Variants in BRIP1 observed in about 807,000 individuals in gnomAD.
The protein encoded by BRIP1 is Fanconi anemia group J protein.
BRIP1 carries 88 observed loss-of-function variants against 119.7 expected under a neutral mutation model. The ratio of observed to expected loss-of-function variants is 0.74; its 90% CI spans 0.62 to 0.88. The LOEUF is 0.88. Ranked by LOEUF, BRIP1 falls within the 40% of genes least tolerant of loss-of-function variation. The pLI is 0.00. For synonymous variants in BRIP1, 443 were observed against 496.5 expected (o/e 0.89, Z 1.43); for missense variants, 1,259 against 1,455.4 (o/e 0.87, Z 2.20).
Position 61,863,005 on chromosome 17 carries a change from C to T in BRIP1, c.-31+279G>A, listed in dbSNP as rs564845025. On this transcript the variant is annotated intron_variant, in intron 1 of 19. Transcript: ENST00000259008. ...CCGTCCTGTACCCCGGCTGTGGCAACAATAGTGTCAAAATGGGGTAGCTTC... is the reference window on the plus strand; with the variant it reads ...CCGTCCTGTACCCCGGCTGTGGCAATAATAGTGTCAAAATGGGGTAGCTTC... Among the ~76,000 whole-genome samples the T allele has an allele frequency of 7.2e-5, 11 of 152,200 alleles. No homozygotes were observed. In the South Asian group the frequency reaches 2.1e-3, roughly 29 times the overall value.
intron 17 of BRIP1, among the ~76,000 whole-genome samples, chr17:61,714,584 A>G (rs1318343726): frequency 3.3e-5 from 5 of 152,176 alleles, no homozygotes; most frequent in African/African-American, 4.8e-5. Flanking sequence ...TCCCACAACA[A>G]TACAATTGCC....
At position 61,848,477 on chromosome 17, in the gene BRIP1, G is replaced by T. The variant is rs1333778331; in HGVS notation, c.507+652C>A. 6.6e-6 allele frequency among the ~76,000 whole-genome samples: 1 copy of T among 152,104 alleles called. No individual in the cohort carries two copies. Among genetic ancestry groups the T allele is most frequent in the Non-Finnish European group, 1.5e-5 (1 of 68,018 alleles). On this transcript the variant is annotated intron_variant, in intron 5 of 19. Transcript: ENST00000259008. The surrounding 1 kb of genome is among the most constrained non-coding windows in gnomAD (Gnocchi z 4.3). Reference sequence around the variant, plus strand: ...TCCTCCCACCTCAGCCTCCCAGAGTGCTGGGATTACAGTCGTGAGCCACTG... The same window carrying T: ...TCCTCCCACCTCAGCCTCCCAGAGTTCTGGGATTACAGTCGTGAGCCACTG...
At chr17:61,830,480 A>C (rs1603354291) in intron 6 of BRIP1, among the ~76,000 whole-genome samples, 1 of 152,148 alleles carries the variant, frequency 6.6e-6, no homozygotes, top group Admixed American at 6.5e-5. Context: ...TATGAATATC[A>C]GAAATGAAAG....
Position 61,748,121 on chromosome 17 carries a change from G to A in BRIP1, c.2098-3530C>T, listed in dbSNP as rs1482795813. Among the ~76,000 whole-genome samples the A allele has an allele frequency of 1.3e-5, 2 of 152,186 alleles. No homozygotes were observed. Among genetic ancestry groups the A allele is most frequent in the Non-Finnish European group, 2.9e-5 (2 of 68,024 alleles). ...ATCCAGGCTGCACAGCAGGAGGTGA[G>A]TGGCAGGTGAGTGAGCATTACTGCC... is the stretch of plus-strand genomic sequence containing the variant. On this transcript the variant is annotated intron_variant, in intron 14 of 19. Coordinates refer to ENST00000259008, the MANE Select transcript of BRIP1 (RefSeq NM_032043.3). The surrounding 1 kb of genome is among the most constrained non-coding windows in gnomAD (Gnocchi z 4.7).
chr17:61,785,427 T>C (rs957990480), intron 10 of BRIP1, among the ~76,000 whole-genome samples: 3 of 152,114 alleles, frequency 2.0e-5, no homozygotes, highest in Non-Finnish European at 2.9e-5. Context: ...AAGATATTGG[T>C]GACAACTCTG....
rs909495802 is a variant in BRIP1 at position 61,682,405 on chromosome 17, A to G, written c.*891T>C. The G allele has an allele frequency of 9.7e-6, 2 of 205,512 alleles. No individual in the cohort carries two copies. The highest frequency in any genetic ancestry group is 9.9e-6 in the Non-Finnish European group (1 of 100,580). 12.7% of individuals were successfully genotyped at this position (205,512 alleles called of 1,614,324 possible). ...TGAAGCTAAATAATTAGAATAGAAAATTTGGAATACTTCATTTGGCATTTT... is the reference window on the plus strand; with the variant it reads ...TGAAGCTAAATAATTAGAATAGAAAGTTTGGAATACTTCATTTGGCATTTT... On this transcript the variant is annotated 3_prime_UTR_variant, in exon 20 of 20. Transcript: ENST00000259008. This position sits in a 1 kb window ranked among gnomAD's most constrained non-coding sequence, Gnocchi z 4.9.
chr17:61,697,680 C>T (rs4968590), intron 17 of BRIP1, among the ~76,000 whole-genome samples: 5 of 151,186 alleles, frequency 3.3e-5, no homozygotes, highest in African/African-American at 1.2e-4. Flanking sequence ...TTTCCTTTTT[C>T]ATTTCTAGTA....
intron 6 of BRIP1, among the ~76,000 whole-genome samples, chr17:61,811,102 G>A (rs1199308246): frequency 6.6e-6 from 1 of 152,002 alleles, no homozygotes; most frequent in Non-Finnish European, 1.5e-5. Context: ...ATAAACCACA[G>A]CTAACTTTAT....
rs587781416 is a variant in BRIP1, at chr17:61,849,241, G to GT, written c.394dup (p.Thr132AsnfsTer10). ...AGCAGATAACTTTGCAGCCAGAGTG[G>GT]TTTTTTCAGGGGAGTCTTATATAAG... is the stretch of plus-strand genomic sequence containing the variant. On this transcript the variant is annotated frameshift_variant, in exon 5 of 20. Coordinates refer to ENST00000259008, the MANE Select transcript of BRIP1 (RefSeq NM_032043.3). LOFTEE classifies it high-confidence loss of function. 1.2e-5 allele frequency: 20 copies of GT among 1,612,630 alleles called. No homozygotes were observed. Among genetic ancestry groups the GT allele is most frequent in the Non-Finnish European group, 1.7e-5 (20 of 1,179,184 alleles).
rs1060504333 is a variant in BRIP1 at position 61,683,907 on chromosome 17, A to G, written c.3139T>C (p.Leu1047=). Residue 1047 remains leucine (L), a synonymous_variant, in exon 20 of 20, where the codon TTG becomes CTG. Coordinates refer to ENST00000259008, the MANE Select transcript of BRIP1 (RefSeq NM_032043.3). This position sits in a 1 kb window ranked among gnomAD's most constrained non-coding sequence, Gnocchi z 4.7. The part of the protein sequence containing the change: ...KTEKMESKTV[L]PFTDKCESSN... ...GATTCACATTTATCAGTGAAGGGCAAAACAGTTTTACTTTCCATCTTCTCT... is the reference window on the plus strand; with the variant it reads ...GATTCACATTTATCAGTGAAGGGCAGAACAGTTTTACTTTCCATCTTCTCT... The G allele has an allele frequency of 6.2e-7, 1 of 1,614,096 alleles. No homozygotes were observed. The highest frequency in any genetic ancestry group is 1.3e-5 in the African/African-American group (1 of 74,932).
In BRIP1 at chr17:61,831,427, ATTCTAC is replaced by A. The variant is rs2145620755; in HGVS notation, c.627+15668_627+15673del. On this transcript the variant is annotated intron_variant, in intron 6 of 19. Coordinates refer to ENST00000259008, the MANE Select transcript of BRIP1 (RefSeq NM_032043.3). This position sits in a 1 kb window ranked among gnomAD's most constrained non-coding sequence, Gnocchi z 4.1. Reference sequence around the variant, plus strand: ...TTACAGGGTAAATATACAAAAATGAATTCTACTTCTATAATAGTAATGAATAACTGG... The same window carrying A: ...TTACAGGGTAAATATACAAAAATGAATTCTATAATAGTAATGAATAACTGG... 6.6e-6 allele frequency among the ~76,000 whole-genome samples: 1 copy of A among 152,346 alleles called. No individual in the cohort carries two copies. The highest frequency in any genetic ancestry group is 2.1e-4 in the South Asian group (1 of 4,832).
In BRIP1 at chr17:61,700,715, C is replaced by A. The variant is rs922188951; in HGVS notation, c.2493-7203G>T. 3.9e-5 allele frequency among the ~76,000 whole-genome samples: 6 copies of A among 152,212 alleles called. No individual in the cohort carries two copies. Among genetic ancestry groups the A allele is most frequent in the Non-Finnish European group, 8.8e-5 (6 of 68,006 alleles). Reference sequence around the variant, plus strand: ...TCATCAAATTCGGAACGTTTTCAGCCATAATTTCTTTAAATATTCTTTCTA... The same window carrying A: ...TCATCAAATTCGGAACGTTTTCAGCAATAATTTCTTTAAATATTCTTTCTA... On this transcript the variant is annotated intron_variant, in intron 17 of 19. Transcript: ENST00000259008. The surrounding 1 kb of genome is among the most constrained non-coding windows in gnomAD (Gnocchi z 4.1).
In BRIP1 at chr17:61,683,417, T is replaced by C. The variant is rs112214651; in HGVS notation, c.3629A>G (p.Asp1210Gly). The change falls in exon 20 of 20, where the codon GAT becomes GGT. Residue 1210 changes from aspartate to glycine, a missense_variant. Asp to Gly is a moderately conservative substitution (Grantham distance 94). Around this residue, in one of 3 missense-constraint regions of BRIP1, gnomAD observed 753 missense variants for 891.8 expected, o/e 0.84. Coordinates refer to ENST00000259008, the MANE Select transcript of BRIP1 (RefSeq NM_032043.3). The surrounding 1 kb of genome is among the most constrained non-coding windows in gnomAD (Gnocchi z 4.7). ...TATCCAAGTTGTTTTTACATTACCA[T>C]CAATGTCATCAATTTTACTTTCTTC... ...HIEESKIDDIDGNVKTTWINE... is the reference protein window; with the variant it reads ...HIEESKIDDIGGNVKTTWINE... 6.2e-7 allele frequency: 1 copy of C among 1,613,624 alleles called. No homozygotes were observed.
In BRIP1 at chr17:61,778,386, G is replaced by A. The variant is rs1156869090; in HGVS notation, c.1936-1824C>T. 6.6e-6 allele frequency among the ~76,000 whole-genome samples: 1 copy of A among 152,194 alleles called. No individual in the cohort carries two copies. Among genetic ancestry groups the A allele is most frequent in the Non-Finnish European group, 1.5e-5 (1 of 68,034 alleles). On this transcript the variant is annotated intron_variant, in intron 13 of 19. Coordinates refer to ENST00000259008, the MANE Select transcript of BRIP1 (RefSeq NM_032043.3). This position sits in a 1 kb window ranked among gnomAD's most constrained non-coding sequence, Gnocchi z 4.4. ...TGGGAACAGAGTTTCAGTTTTTCAA[G>A]AGGAGAAAGTCTTGAGATTGGTTGC... is the stretch of plus-strand genomic sequence containing the variant.
intron 10 of BRIP1, among the ~76,000 whole-genome samples, chr17:61,785,300 A>G (rs958619309): frequency 3.3e-5 from 5 of 152,196 alleles, no homozygotes; most frequent in East Asian, 1.9e-4. Context: ...TGGTCTTTAC[A>G]TGGCTCATAA....
rs1343922186 is a variant in BRIP1, at chr17:61,689,828, TAGTG to T, written c.2575+3598_2575+3601del. On this transcript the variant is annotated intron_variant, in intron 18 of 19. Transcript: ENST00000259008. The surrounding 1 kb of genome is among the most constrained non-coding windows in gnomAD (Gnocchi z 4.5). ...GAGTTTGAGATTAGCCTGGGCAACA[TAGTG>T]AGACCCCATCTCTACAAAAAAAATT... Among the ~76,000 whole-genome samples the T allele has an allele frequency of 2.6e-5, 4 of 151,902 alleles. No homozygotes were observed. Among genetic ancestry groups the T allele is most frequent in the Non-Finnish European group, 5.9e-5 (4 of 67,956 alleles).
chr17:61,778,269 G>A lies in BRIP1; in HGVS notation c.1936-1707C>T, dbSNP rs1240380222. ...TATTTTATGATTCCACTTATATGAA[G>A]TATTTATAGTAATCAGATTCATAGA... On this transcript the variant is annotated intron_variant, in intron 13 of 19. Transcript: ENST00000259008. The surrounding 1 kb of genome is among the most constrained non-coding windows in gnomAD (Gnocchi z 4.4). Among the ~76,000 whole-genome samples the A allele has an allele frequency of 1.3e-5, 2 of 152,128 alleles. No homozygotes were observed. The highest frequency in any genetic ancestry group is 2.9e-5 in the Non-Finnish European group (2 of 68,032).
rs931281897 is a variant in BRIP1, at chr17:61,701,657, A to T, written c.2493-8145T>A. On this transcript the variant is annotated intron_variant, in intron 17 of 19. Coordinates refer to ENST00000259008, the MANE Select transcript of BRIP1 (RefSeq NM_032043.3). This position sits in a 1 kb window ranked among gnomAD's most constrained non-coding sequence, Gnocchi z 5.1. ...ACTAAAATCCCAGGAATATGTCAGA[A>T]CTTTAAAAGCTCTCTATGGACATTG... Among the ~76,000 whole-genome samples, 3 of 152,218 alleles carry T rather than the reference A, an allele frequency of 2.0e-5. No homozygotes were observed. The highest frequency in any genetic ancestry group is 4.4e-5 in the Non-Finnish European group (3 of 68,028).
In BRIP1 at chr17:61,807,913, C is replaced by T. The variant is rs1419187871; in HGVS notation, c.918+554G>A. Among the ~76,000 whole-genome samples the T allele has an allele frequency of 2.0e-5, 3 of 151,948 alleles. No homozygotes were observed. The highest frequency in any genetic ancestry group is 4.8e-5 in the African/African-American group (2 of 41,380). On this transcript the variant is annotated intron_variant, in intron 7 of 19. Transcript: ENST00000259008. The surrounding 1 kb of genome is among the most constrained non-coding windows in gnomAD (Gnocchi z 4.5). ...CCAAATTCATATTATTCTAATTTCC[C>T]TGGAAAATTTCAAAACCACCAATGA...
Sources: gnomAD v4.1 joint callset for allele counts (sites outside exome capture counted in the v4.1 genomes callset) on GRCh38, gnomAD v4.1.1 for gene constraint, gnomAD v4.1.1 regional missense constraint, Gnocchi (gnomAD v3.1) non-coding constraint, MANE v1.5 for transcripts, NCBI Gene and HGNC (gene_info 2026-07-23, HGNC 2026-07-21) for gene names.